Variants in ANO2 observed in about 807,000 individuals in gnomAD.
ANO2 encodes the protein anoctamin-2.
Under a neutral mutation model 124.2 loss-of-function variants are expected in ANO2, and 101 were observed. The observed-to-expected ratio is 0.81, with a 90% CI of 0.69 to 0.96. The LOEUF (loss-of-function observed/expected upper bound fraction) is 0.96. Among genes scored for constraint, ANO2 ranks in the 40% least tolerant of loss-of-function variants. The pLI is 0.00. For synonymous variants in ANO2, 486 were observed against 482.5 expected, an observed-to-expected ratio of 1.01 and a Z score of -0.09; for missense variants, 1,293 against 1,274.5, an observed-to-expected ratio of 1.01 and a Z score of -0.22.
intron 14 of ANO2, among the ~76,000 whole-genome samples, chr12:5,676,057 T>C (rs1948227700): frequency 6.6e-6 from 1 of 152,192 alleles, no homozygotes. Context: ...TTTGTTCCCC[T>C]TCCTCATCTG....
intron 23 of ANO2, among the ~76,000 whole-genome samples, chr12:5,575,058 A>C (rs1202061325): frequency 2.0e-5 from 3 of 151,618 alleles, no homozygotes; most frequent in African/African-American, 7.3e-5. Context: ...GCCCATGACG[A>C]CTCCCCACCT....
chr12:5,758,054 T>C (rs571631150), intron 10 of ANO2, among the ~76,000 whole-genome samples: 7 of 152,218 alleles, frequency 4.6e-5, no homozygotes, highest in Non-Finnish European at 8.8e-5. Context: ...ACCATGCACT[T>C]CCTGGAATCT....
intron 10 of ANO2, among the ~76,000 whole-genome samples, chr12:5,796,628 G>C (rs1258252347): frequency 1.3e-5 from 2 of 152,186 alleles, no homozygotes; most frequent in Admixed American, 6.5e-5. Context: ...ATCGGGAGGA[G>C]AGCCGTGCGG....
intron 14 of ANO2, among the ~76,000 whole-genome samples, chr12:5,665,484 T>C (rs1450230474): frequency 6.6e-6 from 1 of 152,228 alleles, no homozygotes; most frequent in Non-Finnish European, 1.5e-5. Flanking sequence ...CTCCCTCTTG[T>C]AGCTCTTTCT....
intron 3 of ANO2, among the ~76,000 whole-genome samples, chr12:5,864,232 C>A (rs1000996236): frequency 6.6e-6 from 1 of 152,196 alleles, no homozygotes; most frequent in South Asian, 2.1e-4. Flanking sequence ...GTGAACATTT[C>A]TCTTGGGAGT....
At chr12:5,611,423 G>A (rs374264994) in intron 19 of ANO2, among the ~76,000 whole-genome samples, 2 of 152,248 alleles carry the variant, frequency 1.3e-5, no homozygotes, top group Non-Finnish European at 2.9e-5. Context: ...GACAAGGGCC[G>A]TTTCATCTAC....
At chr12:5,661,114 T>C (rs1311145936) in intron 14 of ANO2, among the ~76,000 whole-genome samples, 1 of 152,214 alleles carries the variant, frequency 6.6e-6, no homozygotes, top group Non-Finnish European at 1.5e-5. Flanking sequence ...CCCTCCTGCC[T>C]CTAGCGAGCA....
chr12:5,849,956 C>T (rs1954821770), intron 4 of ANO2, among the ~76,000 whole-genome samples: 2 of 152,182 alleles, frequency 1.3e-5, no homozygotes, highest in African/African-American at 4.8e-5. Flanking sequence ...GCTCCTCTCT[C>T]AACTCAGGAA....
intron 7 of ANO2, among the ~76,000 whole-genome samples, chr12:5,816,819 A>G (rs1229151229): frequency 6.6e-6 from 1 of 152,156 alleles, no homozygotes; most frequent in African/African-American, 2.4e-5. Flanking sequence ...TATAGCACCT[A>G]CCACATTGCC....
intron 14 of ANO2, among the ~76,000 whole-genome samples, chr12:5,649,929 G>A (rs1024670114): frequency 6.6e-6 from 1 of 152,218 alleles, no homozygotes; most frequent in Non-Finnish European, 1.5e-5. Flanking sequence ...GATTACAGGT[G>A]TGAGCCACTG....
At chr12:5,659,061 A>T (rs1379828671) in intron 14 of ANO2, among the ~76,000 whole-genome samples, 2 of 152,086 alleles carry the variant, frequency 1.3e-5, no homozygotes, top group Non-Finnish European at 2.9e-5. Flanking sequence ...CCTTGTGTGA[A>T]CTCATTCCAC....
chr12:5,823,462 GC>G (rs1953867712), intron 7 of ANO2, among the ~76,000 whole-genome samples: 2 of 152,348 alleles, frequency 1.3e-5, no homozygotes, highest in Admixed American at 6.5e-5. Flanking sequence ...CTGAAATCAA[GC>G]AGGGCAGTAA....
rs148606191 is a variant in ANO2, at chr12:5,641,342, G to A, written c.1621-5995C>T. 5.8e-3 allele frequency among the ~76,000 whole-genome samples: 881 copies of A among 152,220 alleles called. 6 individuals carry two copies. Among genetic ancestry groups the A allele is most frequent in the Middle Eastern group, 0.01 (3 of 294 alleles). Reference sequence around the variant, plus strand: ...TACCTAGGTAGCAAACCTGCACATTGTGCACATGTACCCTAGAACTTAATG... The same window carrying A: ...TACCTAGGTAGCAAACCTGCACATTATGCACATGTACCCTAGAACTTAATG... On this transcript the variant is annotated intron_variant, in intron 15 of 24. Transcript: ENST00000682330.
Position 5,635,164 on chromosome 12 carries a change from G to A in ANO2, c.1804C>T (p.Leu602Phe). 6.3e-7 allele frequency: 1 copy of A among 1,579,090 alleles called. No homozygotes were observed. Among genetic ancestry groups the A allele is most frequent in the African/African-American group, 1.4e-5 (1 of 73,648 alleles). ...DEIYGAVAKW[L>F]TKIEVPKTEQ... ...GGTGACACAGTACCAATTTTGGTGA[G>A]CCACTTGGCCACAGCGCCGTAGATC... Residue 602 changes from leucine to phenylalanine, a missense_variant, in exon 16 of 25, where the codon CTC becomes TTC. Physicochemically the swap from Leu to Phe is conservative, Grantham distance 22 (BLOSUM62 0). Transcript: ENST00000682330. This position sits in a 1 kb window ranked among gnomAD's most constrained non-coding sequence, Gnocchi z 5.2.
intron 15 of ANO2, among the ~76,000 whole-genome samples, chr12:5,637,548 A>AATGTGGT (rs1163185058): frequency 1.3e-5 from 2 of 152,130 alleles, no homozygotes; most frequent in Non-Finnish European, 2.9e-5. Flanking sequence ...TGCTACTCAA[A>AATGTGGT]AATGTGGTCC....
intron 3 of ANO2, among the ~76,000 whole-genome samples, chr12:5,868,676 G>A (rs1013371393): frequency 2.6e-5 from 4 of 152,134 alleles, no homozygotes; most frequent in African/African-American, 9.7e-5. Flanking sequence ...CCCCCTCTAT[G>A]AGGCGAAAGC....
chr12:5,761,477 T>C (rs571325559), intron 10 of ANO2, among the ~76,000 whole-genome samples: 18 of 152,286 alleles, frequency 1.2e-4, no homozygotes, highest in African/African-American at 3.6e-4. Flanking sequence ...ACTTATCCCA[T>C]GTGCAAAAAC....
At chr12:5,708,957 T>C (rs555174412) in intron 14 of ANO2, among the ~76,000 whole-genome samples, 1 of 152,352 alleles carries the variant, frequency 6.6e-6, no homozygotes, top group East Asian at 1.9e-4. Flanking sequence ...GTCTTTCCCA[T>C]GGACTGTAAG....
intron 15 of ANO2, among the ~76,000 whole-genome samples, chr12:5,639,261 G>A (rs577095832): frequency 3.3e-5 from 5 of 152,220 alleles, no homozygotes; most frequent in South Asian, 4.2e-4. Flanking sequence ...ACAGGCACGC[G>A]CACACACTAG....
Sources: allele counts gnomAD v4.1 joint callset (sites outside exome capture counted in the v4.1 genomes callset), GRCh38; gene constraint gnomAD v4.1.1; non-coding constraint Gnocchi (gnomAD v3.1); transcripts MANE v1.5; gene names NCBI Gene and HGNC (gene_info 2026-07-23, HGNC 2026-07-21).